KIRREL3: variants seen among roughly 807,000 people sequenced by gnomAD.
KIRREL3 encodes kin of IRRE-like protein 3.
Under a neutral mutation model 89.7 loss-of-function variants are expected in KIRREL3, and 36 were observed. The ratio of observed to expected loss-of-function variants is 0.40; its 90% CI spans 0.31 to 0.53. The LOEUF (loss-of-function observed/expected upper bound fraction) is 0.53, where lower values mean the gene tolerates loss of function less well. Ranked by LOEUF, KIRREL3 falls within the 20% of genes least tolerant of loss-of-function variation. KIRREL3 has a pLI of 0.49. For synonymous variants in KIRREL3, 445 were observed against 441.4 expected, an observed-to-expected ratio of 1.01 and a Z score of -0.10; for missense variants, 864 against 1,056.6, an observed-to-expected ratio of 0.82 and a Z score of 2.53.
intron 1 of KIRREL3, among the ~76,000 whole-genome samples, chr11:126,881,600 T>G (rs1052932222): frequency 2.6e-5 from 4 of 152,162 alleles, no homozygotes; most frequent in Non-Finnish European, 4.4e-5. Context: ...CAAGCTGGAG[T>G]GCAGTGGTGC....
At chr11:126,481,757 A>G (rs1957224044) in intron 4 of KIRREL3, among the ~76,000 whole-genome samples, 2 of 152,192 alleles carry the variant, frequency 1.3e-5, no homozygotes, top group Admixed American at 1.3e-4. Context: ...TCCATCTCCT[A>G]GTCCTCTGTG....
intron 2 of KIRREL3, among the ~76,000 whole-genome samples, chr11:126,559,393 C>T (rs1446405311): frequency 1.3e-5 from 2 of 152,220 alleles, no homozygotes; most frequent in African/African-American, 4.8e-5. Context: ...TGGGCGAAGG[C>T]CCAGGGAGAG....
rs546023434 is a variant in KIRREL3 at position 126,925,111 on chromosome 11, G to C, written c.55+75344C>G. Among the ~76,000 whole-genome samples, 23 of 129,330 alleles carry C rather than the reference G, an allele frequency of 1.8e-4. 1 individual carries two copies. The highest frequency in any genetic ancestry group is 3.0e-4 in the Non-Finnish European group (18 of 60,472). 84.8% of individuals were successfully genotyped at this position (129,330 alleles called of 152,430 possible). On this transcript the variant is annotated intron_variant, in intron 1 of 16. Coordinates refer to ENST00000525144, the MANE Select transcript of KIRREL3 (RefSeq NM_032531.4). Reference sequence around the variant, plus strand: ...CATAAAAAGGTCGGGGGGGGGGGGGGGCTGTTGGTCACAGGATTGTGCAAA... The same window carrying C: ...CATAAAAAGGTCGGGGGGGGGGGGGCGCTGTTGGTCACAGGATTGTGCAAA...
Position 126,943,726 on chromosome 11 carries a change from G to A in KIRREL3, c.55+56729C>T, listed in dbSNP as rs1281392591. Among the ~76,000 whole-genome samples the A allele has an allele frequency of 6.6e-6, 1 of 152,204 alleles. No individual in the cohort carries two copies. Among genetic ancestry groups the A allele is most frequent in the Non-Finnish European group, 1.5e-5 (1 of 68,044 alleles). ...GCTTTGCCTCCAGGGAGGCATTAAA[G>A]GGCCACCTCCTATAGTGAAAGGAAG... is the stretch of plus-strand genomic sequence containing the variant. On this transcript the variant is annotated intron_variant, in intron 1 of 16. Transcript: ENST00000525144. The surrounding 1 kb of genome is among the most constrained non-coding windows in gnomAD (Gnocchi z 4.2).
intron 4 of KIRREL3, among the ~76,000 whole-genome samples, chr11:126,507,684 C>T (rs1958070802): frequency 6.6e-6 from 1 of 152,208 alleles, no homozygotes; most frequent in South Asian, 2.1e-4. Context: ...ATGAAGAATT[C>T]TGGATTAAAG....
In KIRREL3 at chr11:126,870,778, G is replaced by A. The variant is rs1311809744; in HGVS notation, c.55+129677C>T. 6.6e-6 allele frequency among the ~76,000 whole-genome samples: 1 copy of A among 152,224 alleles called. No homozygotes were observed. Among genetic ancestry groups the A allele is most frequent in the African/African-American group, 2.4e-5 (1 of 41,468 alleles). On this transcript the variant is annotated intron_variant, in intron 1 of 16. Coordinates refer to ENST00000525144, the MANE Select transcript of KIRREL3 (RefSeq NM_032531.4). The surrounding 1 kb of genome is among the most constrained non-coding windows in gnomAD (Gnocchi z 4.4). ...TTACAGAGGAGGACAGCTACCCAGA[G>A]CACACTGCCCCTCCCCACTTCCAGT...
chr11:126,457,795 TAGAG>T (rs954789772), intron 6 of KIRREL3, among the ~76,000 whole-genome samples: 3 of 152,012 alleles, frequency 2.0e-5, no homozygotes, highest in African/African-American at 7.2e-5. Context: ...GACAGGGTGT[TAGAG>T]AGAAAGACCA....
chr11:126,518,150 G>T (rs759770918), intron 4 of KIRREL3, among the ~76,000 whole-genome samples: 1 of 152,170 alleles, frequency 6.6e-6, no homozygotes, highest in Non-Finnish European at 1.5e-5. Context: ...CAAATGCTCA[G>T]CTCCGAAGTT....
rs1305097599 is a variant in KIRREL3 at position 126,997,999 on chromosome 11, TG to T, written c.55+2455del. Among the ~76,000 whole-genome samples, 1 of 151,300 alleles carries T rather than the reference TG, an allele frequency of 6.6e-6. No homozygotes were observed. Among genetic ancestry groups the T allele is most frequent in the Non-Finnish European group, 1.5e-5 (1 of 67,862 alleles). On this transcript the variant is annotated intron_variant, in intron 1 of 16. Transcript: ENST00000525144. This position sits in a 1 kb window ranked among gnomAD's most constrained non-coding sequence, Gnocchi z 4.3. The stretch of plus-strand genomic sequence containing the variant: ...CAGGTGGCTGTGTGAGGGTGCCGGG[TG>T]GGGGGGTGTAACCTCAGGCCTCATT...
chr11:126,548,561 C>T (rs1424667791), intron 2 of KIRREL3, among the ~76,000 whole-genome samples: 4 of 152,248 alleles, frequency 2.6e-5, no homozygotes, highest in East Asian at 1.9e-4. Flanking sequence ...ATAGTGGTAG[C>T]AGGTTTGGGG....
rs1374546298 is a variant in KIRREL3 at position 126,959,288 on chromosome 11, C to CTATCTATCTAGTCTATCTCTGTAT, written c.55+41143_55+41166dup. Among the ~76,000 whole-genome samples the CTATCTATCTAGTCTATCTCTGTAT allele has an allele frequency of 1.8e-3, 279 of 152,346 alleles. 1 individual carries two copies. Among genetic ancestry groups the CTATCTATCTAGTCTATCTCTGTAT allele is most frequent in the African/African-American group, 6.4e-3 (268 of 41,578 alleles). On this transcript the variant is annotated intron_variant, in intron 1 of 16. Transcript: ENST00000525144. ...CTTTCTCATCTATCTGTGTATCTAT[C>CTATCTATCTAGTCTATCTCTGTAT]TATCTATCTAGTCTATCTCTGTATT... is the stretch of plus-strand genomic sequence containing the variant.
rs898937610 is a variant in KIRREL3, at chr11:126,489,654, G to A, written c.434-16188C>T. ...CCCTGGCTTTCCTGAGACCTTGGAC[G>A]TGCCCCTTCCCCTCTGCATTCCCCA... On this transcript the variant is annotated intron_variant, in intron 4 of 16. Transcript: ENST00000525144. The surrounding 1 kb of genome is among the most constrained non-coding windows in gnomAD (Gnocchi z 5.5). Among the ~76,000 whole-genome samples, 1 of 152,050 alleles carries A rather than the reference G, an allele frequency of 6.6e-6. No homozygotes were observed. Among genetic ancestry groups the A allele is most frequent in the Non-Finnish European group, 1.5e-5 (1 of 68,006 alleles).
rs1951495129 is a variant in KIRREL3, at chr11:126,814,513, C to A, written c.55+185942G>T. Among the ~76,000 whole-genome samples, 1 of 152,158 alleles carries A rather than the reference C, an allele frequency of 6.6e-6. No homozygotes were observed. Among genetic ancestry groups the A allele is most frequent in the Non-Finnish European group, 1.5e-5 (1 of 68,034 alleles). ...ATTCACAATAGCAAAGACATGGAATCTACCTAAATGCCCATCAATGATAGA... is the reference window on the plus strand; with the variant it reads ...ATTCACAATAGCAAAGACATGGAATATACCTAAATGCCCATCAATGATAGA... On this transcript the variant is annotated intron_variant, in intron 1 of 16. Transcript: ENST00000525144. The surrounding 1 kb of genome is among the most constrained non-coding windows in gnomAD (Gnocchi z 4.4).
At chr11:126,861,481 G>A (rs192860177) in intron 1 of KIRREL3, among the ~76,000 whole-genome samples, 2 of 152,132 alleles carry the variant, frequency 1.3e-5, no homozygotes, top group Admixed American at 6.5e-5. Flanking sequence ...AGTGCCTTCC[G>A]TTGGCTGAAC....
At chr11:126,840,103 C>T (rs544547023) in intron 1 of KIRREL3, among the ~76,000 whole-genome samples, 3 of 152,300 alleles carry the variant, frequency 2.0e-5, no homozygotes, top group South Asian at 2.1e-4. Flanking sequence ...ATATGGGTGT[C>T]TCCTGACCCT....
chr11:126,853,117 T>A (rs1029062842), intron 1 of KIRREL3, among the ~76,000 whole-genome samples: 1 of 152,286 alleles, frequency 6.6e-6, no homozygotes, highest in South Asian at 2.1e-4. Flanking sequence ...TTTTTCCAAA[T>A]GCTATCAATT....
At chr11:126,933,862 T>C (rs933262357) in intron 1 of KIRREL3, among the ~76,000 whole-genome samples, 1 of 151,336 alleles carries the variant, frequency 6.6e-6, no homozygotes, top group Middle Eastern at 3.2e-3. Flanking sequence ...GGTTAAAAAA[T>C]GTTAAGATGA....
At chr11:126,881,452 T>C (rs972957405) in intron 1 of KIRREL3, among the ~76,000 whole-genome samples, 2 of 152,208 alleles carry the variant, frequency 1.3e-5, no homozygotes, top group Non-Finnish European at 2.9e-5. Flanking sequence ...GGTACTTTCC[T>C]TGGTCATGGT....
At position 126,870,281 on chromosome 11, in the gene KIRREL3, G is replaced by A. The variant is rs1432657596; in HGVS notation, c.55+130174C>T. On this transcript the variant is annotated intron_variant, in intron 1 of 16. Transcript: ENST00000525144. This position sits in a 1 kb window ranked among gnomAD's most constrained non-coding sequence, Gnocchi z 4.4. ...CCTCCTCAAGATGCCAGGGCTGCCT[G>A]TGCCATGTACTGCAAGACAGCTGGG... Among the ~76,000 whole-genome samples, 1 of 152,214 alleles carries A rather than the reference G, an allele frequency of 6.6e-6. No individual in the cohort carries two copies. The highest frequency in any genetic ancestry group is 6.5e-5 in the Admixed American group (1 of 15,286).
Sources: allele counts gnomAD v4.1 joint callset (sites outside exome capture counted in the v4.1 genomes callset), GRCh38; gene constraint gnomAD v4.1.1; non-coding constraint Gnocchi (gnomAD v3.1); transcripts MANE v1.5; gene names NCBI Gene and HGNC (gene_info 2026-07-23, HGNC 2026-07-21).